Variants in PDE7B observed in about 807,000 individuals in gnomAD.
PDE7B encodes phosphodiesterase 7B.
A neutral mutation model predicts 56.2 loss-of-function variants in PDE7B; 29 were observed. The observed-to-expected ratio is 0.52, with a 90% CI of 0.38 to 0.70. The LOEUF (loss-of-function observed/expected upper bound fraction) is 0.70, where lower values mean the gene tolerates loss of function less well. Ranked by LOEUF, PDE7B falls within the 30% of genes least tolerant of loss-of-function variation. PDE7B has a pLI of 0.00. For missense variants in PDE7B, 490 were observed against 565.0 expected, an observed-to-expected ratio of 0.87 and a Z score of 1.35; for synonymous variants, 197 against 196.9, an observed-to-expected ratio of 1.00 and a Z score of 0.00.
intron 2 of PDE7B, among the ~76,000 whole-genome samples, chr6:136,064,909 G>C (rs1776907863): frequency 2.0e-5 from 3 of 152,068 alleles, no homozygotes; most frequent in Non-Finnish European, 2.9e-5. Flanking sequence ...TCTATGCCTG[G>C]CACTTGATAG....
intron 1 of PDE7B, among the ~76,000 whole-genome samples, chr6:135,915,090 T>TA (rs35760757): frequency 0.021 from 2,972 of 142,442 alleles, 68 homozygotes; most frequent in African/African-American, 0.056. Flanking sequence ...GAGACTCCAT[T>TA]AAAAAAAAAA....
At chr6:135,911,719 C>T (rs1776215366) in intron 1 of PDE7B, among the ~76,000 whole-genome samples, 1 of 152,160 alleles carries the variant, frequency 6.6e-6, no homozygotes, top group South Asian at 2.1e-4. Flanking sequence ...TCTGCACTAT[C>T]CAATATGGTA....
intron 3 of PDE7B, among the ~76,000 whole-genome samples, chr6:136,123,656 C>T (rs1777976056): frequency 6.6e-6 from 1 of 152,170 alleles, no homozygotes; most frequent in Non-Finnish European, 1.5e-5. Flanking sequence ...AACACAAAAG[C>T]TATTTGAGGC....
Position 135,924,440 on chromosome 6 carries a change from G to A in PDE7B, c.22-23024G>A, listed in dbSNP as rs577060855. ...ATGCCATAACCTGCCCTGTGTATAG[G>A]TGAGCAGTCTGAGAGCCTGAAAAGC... is the stretch of plus-strand genomic sequence containing the variant. On this transcript the variant is annotated intron_variant, in intron 1 of 12. Coordinates refer to ENST00000308191, the MANE Select transcript of PDE7B (RefSeq NM_018945.4). Among the ~76,000 whole-genome samples the A allele has an allele frequency of 2.4e-4, 36 of 152,086 alleles. 1 individual carries two copies. Among genetic ancestry groups the A allele is most frequent in the Middle Eastern group, 3.2e-3 (1 of 316 alleles).
chr6:136,117,380 T>C (rs1777851899), intron 3 of PDE7B, among the ~76,000 whole-genome samples: 1 of 152,160 alleles, frequency 6.6e-6, no homozygotes, highest in Non-Finnish European at 1.5e-5. Flanking sequence ...ACCTTCAACG[T>C]TTCAGAATAT....
intron 2 of PDE7B, among the ~76,000 whole-genome samples, chr6:136,102,073 T>C (rs1161921542): frequency 1.3e-5 from 2 of 152,150 alleles, no homozygotes; most frequent in Non-Finnish European, 2.9e-5. Flanking sequence ...GAGCAAGGGC[T>C]CCCGAGGGCA....
At chr6:135,917,602 TTG>T (rs1235545065) in intron 1 of PDE7B, among the ~76,000 whole-genome samples, 2 of 151,166 alleles carry the variant, frequency 1.3e-5, no homozygotes, top group African/African-American at 4.9e-5. Flanking sequence ...TGATTTGTTG[TTG>T]TTTTTTTTTT....
At chr6:135,898,765 A>G (rs1412771047) in intron 1 of PDE7B, among the ~76,000 whole-genome samples, 2 of 152,208 alleles carry the variant, frequency 1.3e-5, no homozygotes, top group African/African-American at 4.8e-5. Context: ...GAAGAACCCT[A>G]GCATTAACAT....
chr6:135,927,054 T>G (rs1309346278), intron 1 of PDE7B, among the ~76,000 whole-genome samples: 1 of 152,226 alleles, frequency 6.6e-6, no homozygotes, highest in Admixed American at 6.5e-5. Flanking sequence ...TGTTAGCATA[T>G]AGTTTAATGA....
At chr6:135,935,825 T>G (rs1774410999) in intron 1 of PDE7B, among the ~76,000 whole-genome samples, 1 of 152,238 alleles carries the variant, frequency 6.6e-6, no homozygotes, top group Admixed American at 6.5e-5. Context: ...GGGATTTCCA[T>G]TGATTGCCAG....
chr6:135,988,649 T>C (rs559640129), intron 2 of PDE7B, among the ~76,000 whole-genome samples: 1 of 152,312 alleles, frequency 6.6e-6, no homozygotes, highest in Non-Finnish European at 1.5e-5. Context: ...GAGATACAGT[T>C]AAGATGAAGC....
At chr6:136,163,372 C>T (rs1450625697) in intron 8 of PDE7B, among the ~76,000 whole-genome samples, 1 of 152,224 alleles carries the variant, frequency 6.6e-6, no homozygotes, top group Non-Finnish European at 1.5e-5. Context: ...CCCCTTTTAG[C>T]CACGGCTGGA....
In PDE7B at chr6:135,930,717, T is replaced by A. The variant is rs370294399; in HGVS notation, c.22-16747T>A. 1.1e-4 allele frequency among the ~76,000 whole-genome samples: 16 copies of A among 152,282 alleles called. 1 individual carries two copies. Among genetic ancestry groups the A allele is most frequent in the East Asian group, 7.7e-4 (4 of 5,186 alleles). ...AGGATGCTGGGTTGTGCAGCTGAGCTGGAAAATAAGAATAATCAACAATGC... is the reference window on the plus strand; with the variant it reads ...AGGATGCTGGGTTGTGCAGCTGAGCAGGAAAATAAGAATAATCAACAATGC... On this transcript the variant is annotated intron_variant, in intron 1 of 12. Coordinates refer to ENST00000308191, the MANE Select transcript of PDE7B (RefSeq NM_018945.4).
intron 1 of PDE7B, among the ~76,000 whole-genome samples, chr6:135,934,766 T>TATATATATTTATTATATATATATTTTAA (rs1774363538): frequency 7.2e-5 from 7 of 97,664 alleles, no homozygotes; most frequent in South Asian, 3.3e-4. Flanking sequence ...TTTTTAAATA[T>TATATATATTTATTATATATATATTTTAA]ATATATATAT....
intron 7 of PDE7B, among the ~76,000 whole-genome samples, 156 bp from the exon 8 acceptor site, chr6:136,155,471 G>A (rs745812943): frequency 5.3e-5 from 8 of 152,326 alleles, no homozygotes; most frequent in African/African-American, 1.9e-4. Context: ...GTGATTTCAT[G>A]TGACTATCAC....
intron 2 of PDE7B, among the ~76,000 whole-genome samples, chr6:136,018,973 G>C (rs372770048): frequency 1.3e-5 from 2 of 151,766 alleles, no homozygotes; most frequent in South Asian, 2.1e-4. Context: ...CTCTCTCCCC[G>C]ACTAAGCCCA....
chr6:135,917,292 T>C (rs1286874853), intron 1 of PDE7B, among the ~76,000 whole-genome samples: 1 of 152,214 alleles, frequency 6.6e-6, no homozygotes, highest in East Asian at 1.9e-4. Flanking sequence ...TTTCAACCTT[T>C]TCTTATTCTT....
chr6:136,070,324 G>A (rs1197075095), intron 2 of PDE7B: 1 of 151,982 alleles, frequency 6.6e-6, no homozygotes, highest in Non-Finnish European at 1.5e-5. Flanking sequence ...ATTCTTTTGG[G>A]TTAGAATCTG....
intron 2 of PDE7B, among the ~76,000 whole-genome samples, chr6:135,967,855 C>T (rs1775023940): frequency 6.6e-6 from 1 of 152,184 alleles, no homozygotes; most frequent in African/African-American, 2.4e-5. Flanking sequence ...GGGCCAGCGC[C>T]ACTTGGGCAG....
Sources: gnomAD v4.1 joint callset for allele counts (sites outside exome capture counted in the v4.1 genomes callset) on GRCh38, gnomAD v4.1.1 for gene constraint, MANE v1.5 for transcripts, NCBI Gene and HGNC (gene_info 2026-07-23, HGNC 2026-07-21) for gene names.